Variants in TMEM128 observed in about 807,000 individuals in gnomAD.
TMEM128 encodes transmembrane protein 128.
In TMEM128, 16 loss-of-function variants were observed where a neutral mutation model predicts 19.7. The ratio of observed to expected loss-of-function variants is 0.81; its 90% CI spans 0.55 to 1.23. TMEM128 has a LOEUF of 1.23. Among genes scored for constraint, TMEM128 ranks in the 50% most tolerant of loss-of-function variants. TMEM128 has a pLI of 0.00. For synonymous variants in TMEM128, 98 were observed against 75.8 expected (o/e 1.29, Z -1.52); for missense variants, 237 against 200.8 (o/e 1.18, Z -1.09).
intron 2 of TMEM128, 93 bp from the exon 3 acceptor site, chr4:4,240,572 T>C: frequency 7.2e-7 from 1 of 1,394,076 alleles, no homozygotes; most frequent in Non-Finnish European, 9.7e-7. Context: ...AATCTGCTTC[T>C]AAGAATATCA....
chr4:4,240,366 G>T lies in TMEM128; in HGVS notation c.353C>A (p.Ala118Asp). The T allele has an allele frequency of 6.2e-7, 1 of 1,614,040 alleles. No individual in the cohort carries two copies. The highest frequency in any genetic ancestry group is 8.5e-7 in the Non-Finnish European group (1 of 1,179,964). Residue 118 changes from alanine (A) to aspartate (D), a missense_variant, in exon 3 of 5, where the codon GCC (alanine) becomes GAC (aspartate). Physicochemically the swap from Ala to Asp is moderately radical, Grantham distance 126. Transcript: ENST00000382753. ...GGAGGCAGTGGTAATGGGTATCAAG[G>T]CTGGATACTTGACATCATATTCTCC... The part of the protein sequence containing the change: ...GIGEYDVKYP[A>D]LIPITTASFI...
At chr4:4,246,588 G>A (rs557407173) in intron 1 of TMEM128, among the ~76,000 whole-genome samples, 98 of 152,050 alleles carry the variant, frequency 6.4e-4, no homozygotes, top group African/African-American at 2.1e-3. Context: ...CACTTTCATC[G>A]TCTTTCGGAA....
chr4:4,246,600 T>C (rs937663122), intron 1 of TMEM128, among the ~76,000 whole-genome samples: 4 of 152,206 alleles, frequency 2.6e-5, no homozygotes, highest in Admixed American at 6.5e-5. Flanking sequence ...CTTTCGGAAA[T>C]AACAATGTCA....
intron 2 of TMEM128, among the ~76,000 whole-genome samples, chr4:4,245,066 G>A (rs1467478739): frequency 6.6e-6 from 1 of 152,030 alleles, no homozygotes; most frequent in Non-Finnish European, 1.5e-5. Flanking sequence ...GCCATGATAC[G>A]AGGGGACCAC....
rs1248534306 is a variant in TMEM128 at position 4,248,115 on chromosome 4, C to A, written c.88G>T (p.Ala30Ser). The A allele has an allele frequency of 2.6e-6, 4 of 1,536,060 alleles. No homozygotes were observed. Among genetic ancestry groups the A allele is most frequent in the East Asian group, 2.5e-5 (1 of 40,400 alleles). ...AEAQLDREGDAGPETSTAVEK... is the reference protein window; with the variant it reads ...AEAQLDREGDSGPETSTAVEK... ...TTGGTGCGCGCCTCACCCGGCCCGG[C>A]GTCACCCTCGCGGTCCAGCTGGGCC... Residue 30 changes from alanine (A) to serine (S), a missense_variant, in exon 1 of 5, where the codon GCC (alanine) becomes TCC (serine). Ala to Ser is a moderately conservative substitution (Grantham distance 99). Transcript: ENST00000382753.
intron 1 of TMEM128, chr4:4,247,880 C>G: frequency 2.8e-6 from 4 of 1,429,960 alleles, no homozygotes; most frequent in Non-Finnish European, 3.6e-6. Context: ...TAATTTTAAT[C>G]GCTATTTCCA....
intron 2 of TMEM128, among the ~76,000 whole-genome samples, chr4:4,243,140 C>T (rs537217872): frequency 5.6e-4 from 86 of 152,238 alleles, no homozygotes; most frequent in African/African-American, 1.9e-3. Flanking sequence ...AGTGCAGTGG[C>T]GCGATCTCGG....
chr4:4,239,280 G>GT (rs1717849567), intron 3 of TMEM128, among the ~76,000 whole-genome samples: 1 of 152,056 alleles, frequency 6.6e-6, no homozygotes, highest in South Asian at 2.1e-4. Context: ...GGCATTGTTT[G>GT]GGTATAAATA....
chr4:4,247,168 C>T (rs1360939032), intron 1 of TMEM128, among the ~76,000 whole-genome samples: 3 of 152,166 alleles, frequency 2.0e-5, no homozygotes, highest in African/African-American at 2.4e-5. Flanking sequence ...ATGGACAAGA[C>T]ATTTTTCCTG....
At chr4:4,244,640 G>A (rs916390875) in intron 2 of TMEM128, among the ~76,000 whole-genome samples, 1 of 145,054 alleles carries the variant, frequency 6.9e-6, no homozygotes, top group Non-Finnish European at 1.5e-5. Context: ...CCTAATACTG[G>A]GTCTCTGACA....
intron 2 of TMEM128, among the ~76,000 whole-genome samples, chr4:4,245,917 G>A (rs1718150792): frequency 6.6e-6 from 1 of 152,066 alleles, no homozygotes; most frequent in South Asian, 2.1e-4. Context: ...GTAACAGGGG[G>A]AGGACACAAG....
intron 2 of TMEM128, among the ~76,000 whole-genome samples, chr4:4,244,244 G>T (rs1718077985): frequency 1.3e-5 from 2 of 152,170 alleles, no homozygotes; most frequent in African/African-American, 4.8e-5. Context: ...AGGAAGTCAA[G>T]GTGGGAGGAT....
intron 1 of TMEM128, 149 bp downstream of exon 1, chr4:4,247,957 C>T (rs1187874200): frequency 1.4e-6 from 2 of 1,436,682 alleles, no homozygotes; most frequent in South Asian, 1.5e-5. Context: ...CACAGCACTC[C>T]GCGATTCTAA....
chr4:4,243,499 A>T (rs1173988990), intron 2 of TMEM128, among the ~76,000 whole-genome samples: 1 of 152,232 alleles, frequency 6.6e-6, no homozygotes, highest in African/African-American at 2.4e-5. Flanking sequence ...CTCAGGCGTC[A>T]GAAGAACGAG....
chr4:4,240,837 G>C (rs1717927653), intron 2 of TMEM128, among the ~76,000 whole-genome samples: 1 of 152,218 alleles, frequency 6.6e-6, no homozygotes, highest in South Asian at 2.1e-4. Context: ...CAACACTTTG[G>C]AAGGCCGAGG....
chr4:4,240,255 T>C (rs747310088), intron 3 of TMEM128, 66 bp downstream of exon 3: 181 of 1,538,772 alleles, frequency 1.2e-4, no homozygotes, highest in Non-Finnish European at 1.6e-4. Context: ...GGACCAAGCA[T>C]ATCACTATCT....
chr4:4,237,760 GA>G (rs1422058006), intron 4 of TMEM128, 66 bp downstream of exon 4: 1 of 994,954 alleles, frequency 1.0e-6, no homozygotes, highest in Non-Finnish European at 1.6e-6. Context: ...TCCATCCACT[GA>G]AAATTGTCAT....
chr4:4,247,349 C>T (rs112319164), intron 1 of TMEM128, among the ~76,000 whole-genome samples: 1 of 152,056 alleles, frequency 6.6e-6, no homozygotes, highest in African/African-American at 2.4e-5. Context: ...GAAGCATGTT[C>T]GTAATATTCT....
chr4:4,248,053 T>G, intron 1 of TMEM128, 53 bp downstream of exon 1: 1 of 1,528,674 alleles, frequency 6.5e-7, no homozygotes. Flanking sequence ...AGGCCGGCCG[T>G]TTTCCGACGC....
Sources: allele counts gnomAD v4.1 joint callset (sites outside exome capture counted in the v4.1 genomes callset), GRCh38; gene constraint gnomAD v4.1.1; transcripts MANE v1.5; gene names NCBI Gene and HGNC (gene_info 2026-07-23, HGNC 2026-07-21).